AKAP19: variants seen among roughly 807,000 people sequenced by gnomAD.
AKAP19 encodes small A-kinase anchoring protein.
At chr2:190,145,766 A>T in the AKAP19 span, among the ~76,000 whole-genome samples, 13 of 151,804 alleles carry the variant, frequency 8.6e-5, no homozygotes, top group Admixed American at 3.3e-4. Context: ...CTCAGAACGA[A>T]TTTCTGTTAT....
chr2:189,955,510 C>T, the AKAP19 span, among the ~76,000 whole-genome samples: 141,215 of 152,216 alleles, frequency 0.93, 65,545 homozygotes, highest in East Asian at 0.97. Context: ...CAAATGGTAG[C>T]TGTATTTTTA....
the AKAP19 span, among the ~76,000 whole-genome samples, chr2:190,055,501 A>G: frequency 1.3e-5 from 2 of 152,180 alleles, no homozygotes; most frequent in South Asian, 4.1e-4. Context: ...AAAAAGAGAA[A>G]TGAAACAGAT....
chr2:189,925,131 A>G, the AKAP19 span, among the ~76,000 whole-genome samples: 3 of 152,086 alleles, frequency 2.0e-5, no homozygotes, highest in African/African-American at 7.2e-5. Flanking sequence ...ATCCTATCCT[A>G]AACTGTTCCT....
At chr2:189,971,673 A>G in the AKAP19 span, among the ~76,000 whole-genome samples, 28 of 152,254 alleles carry the variant, frequency 1.8e-4, no homozygotes, top group African/African-American at 6.7e-4. Flanking sequence ...AATGATCGTC[A>G]TTCTAACTGG....
the AKAP19 span, among the ~76,000 whole-genome samples, chr2:190,190,221 A>G: frequency 6.6e-6 from 1 of 152,190 alleles, no homozygotes; most frequent in African/African-American, 2.4e-5. Context: ...CCTCTTCCAA[A>G]CAGTCCTTAC....
At chr2:190,024,008 C>T in the AKAP19 span, among the ~76,000 whole-genome samples, 8 of 151,622 alleles carry the variant, frequency 5.3e-5, no homozygotes, top group Admixed American at 3.3e-4. Flanking sequence ...TACCTATAAA[C>T]GTATACCTAT....
At chr2:190,169,468 G>A in the AKAP19 span, among the ~76,000 whole-genome samples, 2 of 152,292 alleles carry the variant, frequency 1.3e-5, no homozygotes, top group Non-Finnish European at 2.9e-5. Context: ...GAAGATTAGG[G>A]CCTGACCTTC....
chr2:190,065,151 T>C, the AKAP19 span, among the ~76,000 whole-genome samples: 1 of 152,122 alleles, frequency 6.6e-6, no homozygotes, highest in Non-Finnish European at 1.5e-5. Flanking sequence ...TTGTGCTTCT[T>C]TTTTTATTGC....
the AKAP19 span, among the ~76,000 whole-genome samples, chr2:190,196,493 T>C: frequency 6.6e-6 from 1 of 151,994 alleles, no homozygotes; most frequent in African/African-American, 2.4e-5. Flanking sequence ...TAAAGTTCTA[T>C]TATTAATTTC....
chr2:189,889,313 A>T, the AKAP19 span, among the ~76,000 whole-genome samples: 1 of 152,150 alleles, frequency 6.6e-6, no homozygotes, highest in African/African-American at 2.4e-5. Flanking sequence ...AAGCTTTTTG[A>T]TGTGCTGACG....
chr2:190,183,615 T>C, the AKAP19 span, among the ~76,000 whole-genome samples: 3 of 152,126 alleles, frequency 2.0e-5, no homozygotes, highest in African/African-American at 7.2e-5. Context: ...TAATTCTTTC[T>C]TTTAATTTTG....
the AKAP19 span, among the ~76,000 whole-genome samples, chr2:190,069,210 G>A: frequency 8.1e-5 from 12 of 149,062 alleles, no homozygotes; most frequent in Non-Finnish European, 1.5e-4. Context: ...GCAAGGCAAA[G>A]ACAGATCAAT....
At chr2:189,890,842 A>G in the AKAP19 span, among the ~76,000 whole-genome samples, 4 of 152,304 alleles carry the variant, frequency 2.6e-5, no homozygotes, top group Admixed American at 2.0e-4. Flanking sequence ...TCCTGAATAC[A>G]GCACACTGAT....
the AKAP19 span, among the ~76,000 whole-genome samples, chr2:189,881,115 C>A: frequency 1.6e-4 from 25 of 151,874 alleles, no homozygotes; most frequent in African/African-American, 6.0e-4. Flanking sequence ...TGAAAAAAAA[C>A]AAATTTTACT....
At chr2:189,957,875 C>T in the AKAP19 span, among the ~76,000 whole-genome samples, 5 of 152,272 alleles carry the variant, frequency 3.3e-5, no homozygotes, top group South Asian at 8.3e-4. Context: ...CTTACTGCAA[C>T]CTCCGCCTCC....
the AKAP19 span, chr2:190,137,788 G>A: frequency 1.0e-3 from 4 of 3,908 alleles, no homozygotes; most frequent in African/African-American, 1.2e-3. Flanking sequence ...TCATTCAGGA[G>A]CTATCAGCCT....
At chr2:190,055,395 G>A in the AKAP19 span, among the ~76,000 whole-genome samples, 1 of 151,814 alleles carries the variant, frequency 6.6e-6, no homozygotes, top group Non-Finnish European at 1.5e-5. Context: ...CAAGTTACTC[G>A]GTGCAGCACA....
At chr2:190,083,081 T>TA in the AKAP19 span, among the ~76,000 whole-genome samples, 1 of 152,176 alleles carries the variant, frequency 6.6e-6, no homozygotes. Flanking sequence ...GTGAAACACT[T>TA]AAAATCTACT....
At chr2:190,153,621 A>G in the AKAP19 span, among the ~76,000 whole-genome samples, 1 of 152,192 alleles carries the variant, frequency 6.6e-6, no homozygotes, top group African/African-American at 2.4e-5. Context: ...TTTGGTTTTT[A>G]TTAAATTCCT....
Sources: gnomAD v4.1 joint callset for allele counts (sites outside exome capture counted in the v4.1 genomes callset) on GRCh38, gnomAD v4.1.1 for gene constraint, MANE v1.5 for transcripts, NCBI Gene and HGNC (gene_info 2026-07-23, HGNC 2026-07-21) for gene names.